Variants in GRIN2B observed in about 807,000 individuals in gnomAD.
GRIN2B encodes glutamate ionotropic receptor NMDA type subunit 2B.
A neutral mutation model predicts 114.5 loss-of-function variants in GRIN2B; 5 were observed. That is an observed-to-expected ratio of 0.04 (90% CI 0.02 to 0.09). The LOEUF (loss-of-function observed/expected upper bound fraction) is 0.09. GRIN2B is among the 10% of genes least tolerant of loss of function. The probability of loss-of-function intolerance (pLI) is 1.00; values close to 1 mark genes in which losing one functional copy is unlikely to be tolerated. For synonymous variants in GRIN2B, 787 were observed against 745.1 expected, an observed-to-expected ratio of 1.06 and a Z score of -0.92; for missense variants, 1,108 against 1,943.5, an observed-to-expected ratio of 0.57 and a Z score of 8.08.
In GRIN2B at chr12:13,547,981, A is replaced by ATATATTTTTTTTTTTTTTTT; in HGVS notation, c.*14801_*14802insAAAAAAAAAAAAAAAATATA. ...TGTGTATATATATATATATATATAT[A>ATATATTTTTTTTTTTTTTTT]TTTTTTTTTTTTTTCTGAAAGCTAC... is the stretch of plus-strand genomic sequence containing the variant. On this transcript the variant is annotated 3_prime_UTR_variant, in exon 14 of 14. Coordinates refer to ENST00000609686, the MANE Select transcript of GRIN2B (RefSeq NM_000834.5). 4.4e-5 allele frequency: 3 copies of ATATATTTTTTTTTTTTTTTT among 68,576 alleles called. No individual in the cohort carries two copies. Among genetic ancestry groups the ATATATTTTTTTTTTTTTTTT allele is most frequent in the Admixed American group, 1.9e-4 (1 of 5,178 alleles). 4.2% of individuals were successfully genotyped at this position (68,576 alleles called of 1,614,324 possible).
intron 3 of GRIN2B, among the ~76,000 whole-genome samples, chr12:13,791,278 C>CT (rs1399922391): frequency 6.6e-6 from 1 of 151,684 alleles, no homozygotes; most frequent in Non-Finnish European, 1.5e-5. Flanking sequence ...GGTGAAACCC[C>CT]GTCTCTACTA....
intron 2 of GRIN2B, among the ~76,000 whole-genome samples, chr12:13,967,337 A>G (rs1867805562): frequency 1.3e-5 from 2 of 152,242 alleles, no homozygotes; most frequent in East Asian, 3.8e-4. Context: ...CATCAAGTCA[A>G]CCATAAACAT....
intron 2 of GRIN2B, among the ~76,000 whole-genome samples, chr12:13,956,122 G>C (rs1296754172): frequency 1.3e-5 from 2 of 152,166 alleles, no homozygotes; most frequent in African/African-American, 4.8e-5. Flanking sequence ...GGATATGTCT[G>C]ACCAAAGGCA....
intron 4 of GRIN2B, among the ~76,000 whole-genome samples, chr12:13,681,541 C>T (rs1950131569): frequency 6.6e-6 from 1 of 152,130 alleles, no homozygotes; most frequent in Non-Finnish European, 1.5e-5. Context: ...AACTCTGTAA[C>T]TTTGTATCAT....
In GRIN2B at chr12:13,829,440, G is replaced by A. The variant is rs534113921; in HGVS notation, c.411+36358C>T. ...ATTCAGAACATAGAGATAGGCTTGT[G>A]ACCTCGATTGATAAGAAAAGATGGT... On this transcript the variant is annotated intron_variant, in intron 3 of 13. Transcript: ENST00000609686. 7.2e-5 allele frequency among the ~76,000 whole-genome samples: 11 copies of A among 152,234 alleles called. No homozygotes were observed. The South Asian group carries it at 2.3e-3, about 32-fold the overall frequency.
chr12:13,747,414 G>A (rs2136622970), intron 4 of GRIN2B, among the ~76,000 whole-genome samples: 1 of 152,300 alleles, frequency 6.6e-6, no homozygotes, highest in Middle Eastern at 3.4e-3. Context: ...CACATGCATT[G>A]TTATGCCTGA....
intron 2 of GRIN2B, among the ~76,000 whole-genome samples, chr12:13,874,342 C>G (rs1009990550): frequency 6.6e-6 from 1 of 152,162 alleles, no homozygotes; most frequent in Non-Finnish European, 1.5e-5. Flanking sequence ...CACCCATATT[C>G]TTGATACAAG....
intron 2 of GRIN2B, among the ~76,000 whole-genome samples, chr12:13,919,825 C>CA (rs935767953): frequency 2.7e-4 from 40 of 149,440 alleles, no homozygotes; most frequent in African/African-American, 6.1e-4. Flanking sequence ...CTCAGGAACT[C>CA]AAAAAAAAAG....
At chr12:13,778,480 T>C (rs949659689) in intron 3 of GRIN2B, among the ~76,000 whole-genome samples, 1 of 152,050 alleles carries the variant, frequency 6.6e-6, no homozygotes, top group Admixed American at 6.6e-5. Flanking sequence ...GGGGACAGGG[T>C]CTTGTGGCTC....
At chr12:13,566,992 A>T in intron 13 of GRIN2B, 33 bp downstream of exon 13, 2 of 1,443,064 alleles carry the variant, frequency 1.4e-6, no homozygotes, top group Non-Finnish European at 2.0e-6. Context: ...GCTGTCCCTA[A>T]CAAGCTTTAG....
chr12:13,661,928 T>C (rs1286595342), intron 5 of GRIN2B, among the ~76,000 whole-genome samples: 7 of 152,150 alleles, frequency 4.6e-5, no homozygotes, highest in South Asian at 4.2e-4. Context: ...TGACTGCCAG[T>C]TTATGACCTT....
At position 13,611,750 on chromosome 12, in the gene GRIN2B, A is replaced by G; in HGVS notation, c.1755T>C (p.Tyr585=). 6.2e-7 allele frequency: 1 copy of G among 1,613,886 alleles called. No homozygotes were observed. The highest frequency in any genetic ancestry group is 8.5e-7 in the Non-Finnish European group (1 of 1,179,740). Residue 585 remains tyrosine (Y), a synonymous_variant, in exon 9 of 14, where the codon TAT becomes TAC. Transcript: ENST00000609686. ...FVFEYFSPVG[Y]NRCLADGREP... ...CTCTGCCATCAGCGAGGCACCTGTT[A>G]TAACCCACAGGGCTGAAGTACTCAA...
chr12:13,795,068 G>C (rs1384490218), intron 3 of GRIN2B, among the ~76,000 whole-genome samples: 3 of 152,182 alleles, frequency 2.0e-5, no homozygotes, highest in Non-Finnish European at 2.9e-5. Context: ...GCCCAGCTCT[G>C]CTCACTCATG....
chr12:13,972,649 G>A (rs984849231), intron 2 of GRIN2B, among the ~76,000 whole-genome samples: 3 of 152,236 alleles, frequency 2.0e-5, no homozygotes, highest in Non-Finnish European at 2.9e-5. Flanking sequence ...ATGAGGGTCA[G>A]TGGACGTGGC....
In GRIN2B at chr12:13,596,661, G is replaced by A. The variant is rs182184863; in HGVS notation, c.2010+11942C>T. Among the ~76,000 whole-genome samples the A allele has an allele frequency of 1.9e-3, 284 of 152,250 alleles. 1 individual carries two copies. In the Middle Eastern group the frequency reaches 0.024, roughly 13 times the overall value. On this transcript the variant is annotated intron_variant, in intron 10 of 13. Transcript: ENST00000609686. ...GAAAACATGACACCCAATAATATTCGATGTCTTTTTGATTCATTCATCCAG... is the reference window on the plus strand; with the variant it reads ...GAAAACATGACACCCAATAATATTCAATGTCTTTTTGATTCATTCATCCAG...
intron 5 of GRIN2B, among the ~76,000 whole-genome samples, chr12:13,668,574 C>T (rs1172344342): frequency 6.6e-6 from 1 of 152,084 alleles, no homozygotes; most frequent in Non-Finnish European, 1.5e-5. Context: ...AACAAGGAAA[C>T]ATCTGGATGT....
rs966462197 is a variant in GRIN2B, at chr12:13,542,739, A to G, written c.*20044T>C. 6.6e-6 allele frequency: 1 copy of G among 152,128 alleles called. No homozygotes were observed. The allele number at this position is 152,128 out of a possible 1,614,324, so 9.4% of individuals were successfully genotyped here. A position where few individuals can be genotyped will look rare whatever the true frequency, so the allele number is the denominator to read the frequency against. On this transcript the variant is annotated 3_prime_UTR_variant, in exon 14 of 14. Transcript: ENST00000609686. The stretch of plus-strand genomic sequence containing the variant: ...CTCAGCTCATTTCCCTTCCTTTACC[A>G]ACTCCCAAATCCTGCCTAAGAATCA...
intron 10 of GRIN2B, 114 bp downstream of exon 10, chr12:13,608,488 TA>T: frequency 1.3e-6 from 1 of 751,184 alleles, no homozygotes; most frequent in South Asian, 1.5e-5. Context: ...CAAGAAAACA[TA>T]AGAAAGAACG....
At chr12:13,622,118 A>C (rs1265927022) in intron 5 of GRIN2B, among the ~76,000 whole-genome samples, 1 of 152,180 alleles carries the variant, frequency 6.6e-6, no homozygotes, top group African/African-American at 2.4e-5. Flanking sequence ...TCTGCATAGA[A>C]AGTCATTTTT....
Sources: allele counts gnomAD v4.1 joint callset (sites outside exome capture counted in the v4.1 genomes callset), GRCh38; gene constraint gnomAD v4.1.1; transcripts MANE v1.5; gene names NCBI Gene and HGNC (gene_info 2026-07-23, HGNC 2026-07-21).